METTL25: variants seen among roughly 807,000 people sequenced by gnomAD.
The protein encoded by METTL25 is probable methyltransferase-like protein 25.
Under a neutral mutation model 71.6 loss-of-function variants are expected in METTL25, and 64 were observed. The observed-to-expected ratio is 0.89, with a 90% CI of 0.73 to 1.10. The LOEUF (loss-of-function observed/expected upper bound fraction) is 1.10. METTL25 is among the 50% of genes least tolerant of loss of function. METTL25 has a pLI of 0.00. For missense variants in METTL25, 807 were observed against 707.0 expected (o/e 1.14, Z -1.60); for synonymous variants, 287 against 250.3 (o/e 1.15, Z -1.38).
At chr12:82,438,645 C>A in intron 7 of METTL25, 73 bp from the exon 8 acceptor site, 1 of 936,472 alleles carries the variant, frequency 1.1e-6, no homozygotes, top group South Asian at 2.9e-5. Context: ...ACGTGTGGTT[C>A]CAACATTCTG....
chr12:82,452,926 G>A (rs1009626128), intron 8 of METTL25, among the ~76,000 whole-genome samples: 1 of 152,118 alleles, frequency 6.6e-6, no homozygotes, highest in African/African-American at 2.4e-5. Flanking sequence ...GGTTGTATAA[G>A]GGTAGAGTGC....
chr12:82,450,685 C>A (rs1246420424), intron 8 of METTL25, among the ~76,000 whole-genome samples: 2 of 152,078 alleles, frequency 1.3e-5, no homozygotes, highest in Non-Finnish European at 2.9e-5. Context: ...TTTTCTCTGA[C>A]CTCATTTCTA....
intron 1 of METTL25, among the ~76,000 whole-genome samples, chr12:82,361,265 A>C (rs1445151077): frequency 6.6e-6 from 1 of 152,196 alleles, no homozygotes; most frequent in Admixed American, 6.5e-5. Flanking sequence ...AGCTAGACAC[A>C]GGGTGCTGAT....
At chr12:82,478,858 T>G in intron 11 of METTL25, 74 bp from the exon 12 acceptor site, 1 of 1,124,846 alleles carries the variant, frequency 8.9e-7, no homozygotes, top group Admixed American at 1.9e-5. Context: ...TATATTACAA[T>G]ATATAATCCA....
chr12:82,404,619 C>A (rs1886922971), intron 5 of METTL25, among the ~76,000 whole-genome samples: 1 of 152,030 alleles, frequency 6.6e-6, no homozygotes, highest in Non-Finnish European at 1.5e-5. Flanking sequence ...CAATGAAATT[C>A]AATTAATAAA....
At chr12:82,383,465 T>C (rs775622687) in intron 1 of METTL25, among the ~76,000 whole-genome samples, 1 of 152,200 alleles carries the variant, frequency 6.6e-6, no homozygotes, top group Non-Finnish European at 1.5e-5. Flanking sequence ...CAAACTTTGA[T>C]ACATTACAGC....
rs568073367 is a variant in METTL25, at chr12:82,444,378, G to A, written c.1478+5587G>A. ...GCTGAAGGAATTTATTACCACCAGAGGTGTCTTACAAGACATGCTAAAGGG... is the reference window on the plus strand; with the variant it reads ...GCTGAAGGAATTTATTACCACCAGAAGTGTCTTACAAGACATGCTAAAGGG... On this transcript the variant is annotated intron_variant, in intron 8 of 11. Transcript: ENST00000248306. Among the ~76,000 whole-genome samples, 4 of 152,218 alleles carry A rather than the reference G, an allele frequency of 2.6e-5. No individual in the cohort carries two copies. The East Asian group carries it at 5.8e-4, about 22-fold the overall frequency.
Position 82,403,104 on chromosome 12 carries a change from C to G in METTL25, c.1253C>G (p.Ser418Cys). Residue 418 changes from serine (S) to cysteine (C), a missense_variant, in exon 5 of 12, where the codon TCT becomes TGT. Coordinates refer to ENST00000248306, the MANE Select transcript of METTL25 (RefSeq NM_032230.3). The stretch of plus-strand genomic sequence containing the variant: ...GTGGGTTGTTGCTACCACCTCTTAT[C>G]TGAAGAATTTGAAAACCAGCATAAA... ...CSVGCCYHLL[S>C]EEFENQHKER... The G allele has an allele frequency of 6.2e-7, 1 of 1,612,346 alleles. No homozygotes were observed. The highest frequency in any genetic ancestry group is 1.3e-5 in the African/African-American group (1 of 74,900).
intron 9 of METTL25, among the ~76,000 whole-genome samples, chr12:82,470,741 TGAAG>T (rs1251566242): frequency 6.6e-6 from 1 of 152,354 alleles, no homozygotes; most frequent in South Asian, 2.1e-4. Context: ...TTCAGAAAGT[TGAAG>T]GGTCTTTTTC....
intron 1 of METTL25, among the ~76,000 whole-genome samples, chr12:82,376,621 A>C (rs1297492459): frequency 6.6e-6 from 1 of 152,238 alleles, no homozygotes; most frequent in Non-Finnish European, 1.5e-5. Flanking sequence ...TCTATTGACT[A>C]TAAAAGCATT....
chr12:82,378,055 A>G (rs892872143), intron 1 of METTL25, among the ~76,000 whole-genome samples: 1 of 151,904 alleles, frequency 6.6e-6, no homozygotes, highest in Non-Finnish European at 1.5e-5. Context: ...GAAATATTCC[A>G]TTTTTCAAAC....
At chr12:82,443,480 GAAA>G (rs1321889277) in intron 8 of METTL25, among the ~76,000 whole-genome samples, 35 of 129,468 alleles carry the variant, frequency 2.7e-4, no homozygotes, top group African/African-American at 9.0e-4. Context: ...AAAAAAAAAA[GAAA>G]AAAAAGAATG....
chr12:82,392,122 T>C (rs1010331342), intron 3 of METTL25, among the ~76,000 whole-genome samples: 1 of 150,620 alleles, frequency 6.6e-6, no homozygotes. Flanking sequence ...ATTATTATTA[T>C]ACTTTAAGTT....
intron 1 of METTL25, among the ~76,000 whole-genome samples, chr12:82,385,313 GT>G (rs1280888752): frequency 6.6e-6 from 1 of 151,848 alleles, no homozygotes; most frequent in Non-Finnish European, 1.5e-5. Context: ...ACTATTTTTT[GT>G]GTTTAAGAAT....
At chr12:82,395,898 A>G (rs969630452) in intron 3 of METTL25, among the ~76,000 whole-genome samples, 1 of 152,244 alleles carries the variant, frequency 6.6e-6, no homozygotes, top group Non-Finnish European at 1.5e-5. Context: ...TTTCTACTAT[A>G]TAGCCCTTGC....
rs752881188 is a variant in METTL25, at chr12:82,456,821, G to A, written c.1572+1G>A. On this transcript the variant is annotated splice_donor_variant, in intron 9 of 11. Coordinates refer to ENST00000248306, the MANE Select transcript of METTL25 (RefSeq NM_032230.3). LOFTEE classifies it high-confidence loss of function. Reference sequence around the variant, plus strand: ...GAAGCTTGGATTAGATGAGTCCAAGGTCAGTATATGATGACTCATTATTTT... The same window carrying A: ...GAAGCTTGGATTAGATGAGTCCAAGATCAGTATATGATGACTCATTATTTT... The A allele has an allele frequency of 6.1e-6, 9 of 1,466,264 alleles. No individual in the cohort carries two copies. The South Asian group carries it at 9.9e-5, about 16-fold the overall frequency. The allele number at this position is 1,466,264 out of a possible 1,614,324, so 90.8% of individuals were successfully genotyped here. A position where few individuals can be genotyped will look rare whatever the true frequency, so the allele number is the denominator to read the frequency against.
At chr12:82,474,628 T>C (rs1055519563) in intron 9 of METTL25, 1 of 152,228 alleles carries the variant, frequency 6.6e-6, no homozygotes, top group African/African-American at 2.4e-5. Flanking sequence ...TGGTTTTTTT[T>C]ACACACAGGT....
intron 8 of METTL25, among the ~76,000 whole-genome samples, chr12:82,454,344 C>T (rs1157965437): frequency 1.3e-5 from 2 of 151,900 alleles, no homozygotes; most frequent in Non-Finnish European, 2.9e-5. Context: ...GTATAGTGTT[C>T]TGGGAATAGT....
intron 2 of METTL25, among the ~76,000 whole-genome samples, chr12:82,388,093 T>G (rs1885223286): frequency 6.6e-6 from 1 of 152,104 alleles, no homozygotes; most frequent in Non-Finnish European, 1.5e-5. Context: ...TAGGCAGGTT[T>G]ATTTTATTGT....
Sources: gnomAD v4.1 joint callset for allele counts (sites outside exome capture counted in the v4.1 genomes callset) on GRCh38, gnomAD v4.1.1 for gene constraint, MANE v1.5 for transcripts, NCBI Gene and HGNC (gene_info 2026-07-23, HGNC 2026-07-21) for gene names.